The following ABLIM2 variants were observed in gnomAD, a reference collection of about 807,000 sequenced individuals.
ABLIM2 encodes the protein actin-binding LIM protein 2.
ABLIM2 carries 53 observed loss-of-function variants against 97.7 expected under a neutral mutation model. That is an observed-to-expected ratio of 0.54 (90% CI 0.44 to 0.68). The LOEUF (loss-of-function observed/expected upper bound fraction) is 0.68, where lower values mean the gene tolerates loss of function less well. ABLIM2 is among the 30% of genes least tolerant of loss of function. The pLI is 0.00. For missense variants in ABLIM2, 835 were observed against 867.2 expected, an observed-to-expected ratio of 0.96 and a Z score of 0.47; for synonymous variants, 361 against 345.8, an observed-to-expected ratio of 1.04 and a Z score of -0.49.
intron 10 of ABLIM2, among the ~76,000 whole-genome samples, chr4:8,031,661 C>T (rs4696732): frequency 0.23 from 34,611 of 151,634 alleles, 4,913 homozygotes; most frequent in African/African-American, 0.39. Context: ...AGTTTCTCTG[C>T]GGTAACCTGG....
At chr4:8,037,850 C>T (rs988802726) in intron 9 of ABLIM2, among the ~76,000 whole-genome samples, 3 of 152,218 alleles carry the variant, frequency 2.0e-5, no homozygotes, top group South Asian at 2.1e-4. Context: ...TGAATGAATG[C>T]GGGACGCTGG....
rs925616649 is a variant in ABLIM2, at chr4:8,087,844, G to A, written c.454+325C>T. 5.9e-5 allele frequency among the ~76,000 whole-genome samples: 9 copies of A among 151,986 alleles called. No individual in the cohort carries two copies. Among genetic ancestry groups the A allele is most frequent in the African/African-American group, 1.9e-4 (8 of 41,332 alleles). ...AGCCAGTGCAAAGACTTGGCGGCAC[G>A]AGAGCCCCAGAAACTTCCATCCCTG... On this transcript the variant is annotated intron_variant, in intron 4 of 20. Coordinates refer to ENST00000447017, the MANE Select transcript of ABLIM2 (RefSeq NM_001130083.2). The surrounding 1 kb of genome is among the most constrained non-coding windows in gnomAD (Gnocchi z 4.6).
At chr4:8,052,061 A>G (rs1264093264) in intron 8 of ABLIM2, among the ~76,000 whole-genome samples, 2 of 151,996 alleles carry the variant, frequency 1.3e-5, no homozygotes, top group Non-Finnish European at 2.9e-5. Flanking sequence ...TTTCTTGCCT[A>G]TTAAACTCTC....
Position 8,064,007 on chromosome 4 carries a change from A to G in ABLIM2, c.676-2953T>C, listed in dbSNP as rs28515054. ...ATGCCTACCTTATCTAAGAAAGTTT[A>G]AATGTTTAGCCCATTGGGACTAGTT... is the stretch of plus-strand genomic sequence containing the variant. On this transcript the variant is annotated intron_variant, in intron 6 of 20. Transcript: ENST00000447017. Among the ~76,000 whole-genome samples, 418 of 152,322 alleles carry G rather than the reference A, an allele frequency of 2.7e-3. 2 individuals carry two copies. The highest frequency in any genetic ancestry group is 9.8e-3 in the African/African-American group (406 of 41,576).
rs1845917953 is a variant in ABLIM2, at chr4:8,122,477, G to C, written c.11-15840C>G. 6.6e-6 allele frequency among the ~76,000 whole-genome samples: 1 copy of C among 152,182 alleles called. No homozygotes were observed. Among genetic ancestry groups the C allele is most frequent in the Admixed American group, 6.5e-5 (1 of 15,290 alleles). On this transcript the variant is annotated intron_variant, in intron 1 of 20. Coordinates refer to ENST00000447017, the MANE Select transcript of ABLIM2 (RefSeq NM_001130083.2). The surrounding 1 kb of genome is among the most constrained non-coding windows in gnomAD (Gnocchi z 4.1). ...GGTCCCTGGTGAGGGCTCCCTTCCT[G>C]GCTTGCAGACAGCCGCCTTCTTACT...
chr4:8,034,380 G>T (rs1782879112), intron 10 of ABLIM2, among the ~76,000 whole-genome samples: 2 of 150,320 alleles, frequency 1.3e-5, no homozygotes, highest in African/African-American at 4.9e-5. Flanking sequence ...GGGGTGTGTG[G>T]TAAGTGGGTG....
intron 1 of ABLIM2, among the ~76,000 whole-genome samples, chr4:8,156,193 C>G (rs1715269537): frequency 6.6e-6 from 1 of 151,554 alleles, no homozygotes; most frequent in Non-Finnish European, 1.5e-5. Context: ...ATCCCCCCAC[C>G]CCACCCCCTG....
At chr4:8,035,041 T>C (rs574383497) in intron 10 of ABLIM2, among the ~76,000 whole-genome samples, 1 of 111,830 alleles carries the variant, frequency 8.9e-6, no homozygotes, top group East Asian at 2.9e-4. Context: ...TGCAGGTGGG[T>C]GATGGGTGGT....
intron 1 of ABLIM2, among the ~76,000 whole-genome samples, chr4:8,115,113 A>G (rs1842240290): frequency 1.3e-5 from 2 of 152,198 alleles, no homozygotes; most frequent in Admixed American, 1.3e-4. Context: ...GGATGGACGC[A>G]GGGCTTGTGT....
chr4:8,041,835 C>T (rs1044531554), intron 9 of ABLIM2, among the ~76,000 whole-genome samples: 1 of 151,690 alleles, frequency 6.6e-6, no homozygotes, highest in Non-Finnish European at 1.5e-5. Flanking sequence ...ACCTGGGAGG[C>T]GCAGCTTGCA....
At chr4:8,010,104 C>G (rs1162272245) in intron 14 of ABLIM2, among the ~76,000 whole-genome samples, 1 of 152,204 alleles carries the variant, frequency 6.6e-6, no homozygotes, top group African/African-American at 2.4e-5. Context: ...ATAGAACAAG[C>G]AAAAGTTCAT....
rs1159745490 is a variant in ABLIM2, at chr4:8,003,943, C to T, written c.1618+4116G>A. 6.6e-6 allele frequency among the ~76,000 whole-genome samples: 1 copy of T among 152,114 alleles called. No homozygotes were observed. The highest frequency in any genetic ancestry group is 1.9e-4 in the East Asian group (1 of 5,162). The stretch of plus-strand genomic sequence containing the variant: ...TCTAAGCCTGAGGCCAGGTGCCCTG[C>T]CCGTCCCACCAGATATCCTCACGAG... On this transcript the variant is annotated intron_variant, in intron 16 of 20. Transcript: ENST00000447017. This position sits in a 1 kb window ranked among gnomAD's most constrained non-coding sequence, Gnocchi z 4.2.
chr4:8,050,967 G>T (rs1795623300), intron 8 of ABLIM2, among the ~76,000 whole-genome samples: 1 of 152,270 alleles, frequency 6.6e-6, no homozygotes, highest in South Asian at 2.1e-4. Flanking sequence ...CCGAGCACAA[G>T]GACTCCTTCC....
Position 8,046,155 on chromosome 4 carries a change from G to A in ABLIM2, c.823-914C>T, listed in dbSNP as rs1792252542. ...CCTCCTTACATGCTCGCTGCTGTCT[G>A]GGGCCACTCCTCCCTTCCGGACCAC... On this transcript the variant is annotated intron_variant, in intron 8 of 20. Transcript: ENST00000447017. This position sits in a 1 kb window ranked among gnomAD's most constrained non-coding sequence, Gnocchi z 4.4. Among the ~76,000 whole-genome samples the A allele has an allele frequency of 6.6e-6, 1 of 152,090 alleles. No individual in the cohort carries two copies.
intron 16 of ABLIM2, among the ~76,000 whole-genome samples, chr4:7,995,223 T>C (rs1013880469): frequency 5.9e-5 from 9 of 152,356 alleles, no homozygotes; most frequent in Admixed American, 4.6e-4. Context: ...GTCTTTCCAC[T>C]AGCCTATGGG....
At position 8,072,093 on chromosome 4, in the gene ABLIM2, C is replaced by A; in HGVS notation, c.675+5535G>T. On this transcript the variant is annotated intron_variant, in intron 6 of 20. Coordinates refer to ENST00000447017, the MANE Select transcript of ABLIM2 (RefSeq NM_001130083.2). The surrounding 1 kb of genome is among the most constrained non-coding windows in gnomAD (Gnocchi z 5.8). ...CAGCCACGCCGCCACAGACTCGCCT[C>A]CCCGGCAGAGGCGAAAACAAAAGCA... 1.0e-6 allele frequency: 1 copy of A among 983,560 alleles called. No homozygotes were observed. Among genetic ancestry groups the A allele is most frequent in the Non-Finnish European group, 1.2e-6 (1 of 828,254 alleles). 60.9% of individuals were successfully genotyped at this position (983,560 alleles called of 1,614,324 possible).
At chr4:8,091,585 AT>A (rs1310829293) in intron 3 of ABLIM2, among the ~76,000 whole-genome samples, 1 of 30,050 alleles carries the variant, frequency 3.3e-5, no homozygotes, top group African/African-American at 2.7e-4. Flanking sequence ...TTTATATAAA[AT>A]TATATATATA....
Position 8,095,060 on chromosome 4 carries a change from C to CTCTT in ABLIM2, c.338+2035_338+2038dup, listed in dbSNP as rs1243381928. ...TCCTTCCTTCCTTCTTTCTTTCTTT[C>CTCTT]TCTTTCTTTCTTTCTCTCTCTCTCT... is the stretch of plus-strand genomic sequence containing the variant. On this transcript the variant is annotated intron_variant, in intron 3 of 20. Transcript: ENST00000447017. This position sits in a 1 kb window ranked among gnomAD's most constrained non-coding sequence, Gnocchi z 4.7. Among the ~76,000 whole-genome samples, 3 of 129,606 alleles carry CTCTT rather than the reference C, an allele frequency of 2.3e-5. No homozygotes were observed. The highest frequency in any genetic ancestry group is 5.5e-5 in the African/African-American group (2 of 36,084). 85.0% of individuals were successfully genotyped at this position (129,606 alleles called of 152,430 possible).
At chr4:8,056,228 T>G (rs1201606517) in intron 7 of ABLIM2, among the ~76,000 whole-genome samples, 2 of 151,488 alleles carry the variant, frequency 1.3e-5, no homozygotes, top group African/African-American at 2.4e-5. Context: ...CCACTTTTTG[T>G]TGGCTGCCTT....
Sources: gnomAD v4.1 joint callset for allele counts (sites outside exome capture counted in the v4.1 genomes callset) on GRCh38, gnomAD v4.1.1 for gene constraint, Gnocchi (gnomAD v3.1) non-coding constraint, MANE v1.5 for transcripts, NCBI Gene and HGNC (gene_info 2026-07-23, HGNC 2026-07-21) for gene names.